NLGN1: variants seen among roughly 807,000 people sequenced by gnomAD.
The protein encoded by NLGN1 is neuroligin-1.
NLGN1 carries 12 observed loss-of-function variants against 65.5 expected under a neutral mutation model. The observed-to-expected ratio is 0.18, with a 90% confidence interval of 0.12 to 0.30. The LOEUF is 0.30. Ranked by LOEUF, NLGN1 falls within the 10% of genes least tolerant of loss-of-function variation. The probability of loss-of-function intolerance (pLI) is 1.00; values close to 1 mark genes in which losing one functional copy is unlikely to be tolerated. For missense variants in NLGN1, 750 were observed against 1,007.1 expected, an observed-to-expected ratio of 0.74 and a Z score of 3.46; for synonymous variants, 350 against 359.5, an observed-to-expected ratio of 0.97 and a Z score of 0.30.
intron 2 of NLGN1, among the ~76,000 whole-genome samples, chr3:173,527,722 T>G (rs1293302110): frequency 6.6e-6 from 1 of 152,192 alleles, no homozygotes; most frequent in African/African-American, 2.4e-5. Flanking sequence ...ATTATTAGAT[T>G]TCTTTTCCTA....
intron 4 of NLGN1, among the ~76,000 whole-genome samples, chr3:173,925,603 T>C (rs1907576): frequency 0.085 from 12,997 of 152,116 alleles, 1,351 homozygotes; most frequent in African/African-American, 0.25. Context: ...AATTGCTGGG[T>C]GTGGAACCAG....
intron 2 of NLGN1, among the ~76,000 whole-genome samples, chr3:173,449,190 G>C (rs1199364922): frequency 6.6e-6 from 1 of 151,852 alleles, no homozygotes; most frequent in Non-Finnish European, 1.5e-5. Context: ...GCTTTCTCTT[G>C]TGGGCATTTA....
chr3:173,760,076 T>C (rs909431928), intron 3 of NLGN1, among the ~76,000 whole-genome samples: 1 of 152,020 alleles, frequency 6.6e-6, no homozygotes, highest in Non-Finnish European at 1.5e-5. Flanking sequence ...TTCTGAACCA[T>C]GTGTGCTTCT....
At chr3:173,557,692 A>G (rs1346945182) in intron 2 of NLGN1, among the ~76,000 whole-genome samples, 3 of 152,104 alleles carry the variant, frequency 2.0e-5, no homozygotes, top group Admixed American at 2.0e-4. Flanking sequence ...CACATATAAT[A>G]CCAGAACCCC....
intron 4 of NLGN1, among the ~76,000 whole-genome samples, chr3:174,229,175 G>A (rs564521360): frequency 6.6e-4 from 100 of 152,010 alleles, no homozygotes; most frequent in African/African-American, 2.3e-3. Context: ...AGAACTAAAT[G>A]CACTACTATT....
intron 4 of NLGN1, among the ~76,000 whole-genome samples, chr3:174,170,658 A>C (rs1018318360): frequency 4.6e-5 from 7 of 152,246 alleles, no homozygotes; most frequent in African/African-American, 1.7e-4. Flanking sequence ...TTGGTTCACA[A>C]GATGGAATTT....
chr3:174,184,104 T>C (rs1730956004), intron 4 of NLGN1, among the ~76,000 whole-genome samples: 1 of 152,122 alleles, frequency 6.6e-6, no homozygotes, highest in Non-Finnish European at 1.5e-5. Flanking sequence ...GAATTTTCTT[T>C]AGAACATTGC....
intron 4 of NLGN1, among the ~76,000 whole-genome samples, chr3:174,007,450 AAC>A (rs1213028807): frequency 3.3e-5 from 5 of 152,134 alleles, no homozygotes; most frequent in Non-Finnish European, 7.4e-5. Flanking sequence ...CCTATCAATA[AAC>A]AGTCTTCTCA....
intron 4 of NLGN1, among the ~76,000 whole-genome samples, chr3:174,028,795 C>T (rs1729343901): frequency 6.6e-6 from 1 of 152,180 alleles, no homozygotes; most frequent in African/African-American, 2.4e-5. Context: ...AAAATGTCTC[C>T]AAGGGCATGT....
intron 4 of NLGN1, among the ~76,000 whole-genome samples, chr3:173,952,310 G>A (rs1748370111): frequency 6.6e-6 from 1 of 152,172 alleles, no homozygotes; most frequent in Admixed American, 6.5e-5. Flanking sequence ...TGAAGAATGT[G>A]TGCCTGGAGC....
intron 3 of NLGN1, among the ~76,000 whole-genome samples, chr3:173,733,621 C>T (rs1773227914): frequency 6.6e-6 from 1 of 152,102 alleles, no homozygotes; most frequent in African/African-American, 2.4e-5. Flanking sequence ...AGGTTCCTAA[C>T]TTCACCTTGA....
intron 3 of NLGN1, among the ~76,000 whole-genome samples, chr3:173,717,152 G>T (rs572908489): frequency 6.6e-6 from 1 of 152,246 alleles, no homozygotes; most frequent in African/African-American, 2.4e-5. Context: ...ATTTGGTATG[G>T]TGATGCCATA....
chr3:173,983,657 A>G (rs114488094), intron 4 of NLGN1, among the ~76,000 whole-genome samples: 3,242 of 152,086 alleles, frequency 0.021, 104 homozygotes, highest in African/African-American at 0.074. Flanking sequence ...TTAGAAAGCC[A>G]TGCACAGCTC....
At chr3:174,232,005 G>C (rs2152818461) in intron 4 of NLGN1, among the ~76,000 whole-genome samples, 1 of 152,268 alleles carries the variant, frequency 6.6e-6, no homozygotes, top group East Asian at 1.9e-4. Flanking sequence ...AATAATGAAG[G>C]AGCCAAGAAA....
chr3:173,560,047 C>T (rs575799197), intron 2 of NLGN1, among the ~76,000 whole-genome samples: 2 of 151,424 alleles, frequency 1.3e-5, no homozygotes, highest in South Asian at 4.2e-4. Context: ...GGGTTCACGC[C>T]ATTCTCCTGC....
chr3:173,947,559 C>T (rs536354732), intron 4 of NLGN1, among the ~76,000 whole-genome samples: 5 of 152,276 alleles, frequency 3.3e-5, no homozygotes, highest in South Asian at 2.1e-4. Context: ...TTTCTCATAA[C>T]GTGCTGCCAA....
chr3:174,007,748 C>T (rs1382187340), intron 4 of NLGN1, among the ~76,000 whole-genome samples: 1 of 152,126 alleles, frequency 6.6e-6, no homozygotes, highest in Non-Finnish European at 1.5e-5. Context: ...ATACTGTAAA[C>T]CTTAGCAGGA....
intron 2 of NLGN1, among the ~76,000 whole-genome samples, chr3:173,541,862 G>A (rs1041609139): frequency 6.6e-6 from 1 of 152,024 alleles, no homozygotes; most frequent in African/African-American, 2.4e-5. Context: ...CTTTGAGCTT[G>A]ATGTTAATTT....
At chr3:173,918,347 A>G (rs1237675927) in intron 4 of NLGN1, among the ~76,000 whole-genome samples, 4 of 152,070 alleles carry the variant, frequency 2.6e-5, no homozygotes, top group Non-Finnish European at 4.4e-5. Context: ...TTTAAAATGC[A>G]TAGAATGGGC....
Sources: allele counts gnomAD v4.1 joint callset (sites outside exome capture counted in the v4.1 genomes callset), GRCh38; gene constraint gnomAD v4.1.1; transcripts MANE v1.5; gene names NCBI Gene and HGNC (gene_info 2026-07-23, HGNC 2026-07-21).